Variants in TBC1D22A observed in about 807,000 individuals in gnomAD.
TBC1D22A encodes the protein putative GTPase activator.
In TBC1D22A, 38 loss-of-function variants were observed where a neutral mutation model predicts 60.2. The observed-to-expected ratio is 0.63, with a 90% CI of 0.49 to 0.83. The LOEUF (loss-of-function observed/expected upper bound fraction) is 0.83. TBC1D22A is among the 40% of genes least tolerant of loss of function. The pLI, the probability that TBC1D22A is intolerant of heterozygous loss-of-function variation, is 0.00. For synonymous variants in TBC1D22A, 302 were observed against 281.7 expected (o/e 1.07, Z -0.72); for missense variants, 628 against 701.0 (o/e 0.90, Z 1.18).
At chr22:47,063,561 A>T (rs2063654893) in intron 11 of TBC1D22A, among the ~76,000 whole-genome samples, 2 of 151,926 alleles carry the variant, frequency 1.3e-5, no homozygotes, top group Admixed American at 1.3e-4. Context: ...ATGTTTGGGG[A>T]GCACTGTGTT....
intron 12 of TBC1D22A, among the ~76,000 whole-genome samples, chr22:47,124,935 C>T (rs751415152): frequency 2.6e-5 from 4 of 151,972 alleles, no homozygotes; most frequent in South Asian, 2.1e-4. Flanking sequence ...TTGGGCCAGG[C>T]GGGAGTGGAG....
At chr22:47,137,963 G>C (rs1022087989) in intron 12 of TBC1D22A, among the ~76,000 whole-genome samples, 1 of 152,136 alleles carries the variant, frequency 6.6e-6, no homozygotes, top group South Asian at 2.1e-4. Flanking sequence ...ATCTCCATCC[G>C]TGTGATGTTA....
chr22:47,064,109 C>T (rs66608047), intron 11 of TBC1D22A, among the ~76,000 whole-genome samples: 40,541 of 152,100 alleles, frequency 0.27, 6,035 homozygotes, highest in East Asian at 0.57. Context: ...CCACCAGGAC[C>T]GGGGCTTGAG....
rs115438241 is a variant in TBC1D22A, at chr22:47,054,012, G to A, written c.1329+16814G>A. 2.7e-3 allele frequency among the ~76,000 whole-genome samples: 411 copies of A among 152,266 alleles called. 1 individual carries two copies. Among genetic ancestry groups the A allele is most frequent in the African/African-American group, 9.4e-3 (391 of 41,538 alleles). ...AGAGGCCCTGACTCATCAGTCATCCGGCTTCGAAGGGACAGACTCAGTGTG... is the reference window on the plus strand; with the variant it reads ...AGAGGCCCTGACTCATCAGTCATCCAGCTTCGAAGGGACAGACTCAGTGTG... On this transcript the variant is annotated intron_variant, in intron 11 of 12. Transcript: ENST00000337137.
intron 8 of TBC1D22A, among the ~76,000 whole-genome samples, chr22:46,916,276 C>CA (rs1295716205): frequency 6.6e-6 from 1 of 152,168 alleles, no homozygotes; most frequent in Non-Finnish European, 1.5e-5. Flanking sequence ...ATGTCAGAGT[C>CA]AGAGAAACAG....
intron 8 of TBC1D22A, among the ~76,000 whole-genome samples, chr22:46,966,905 T>TTGG (rs990130700): frequency 2.0e-5 from 3 of 152,346 alleles, no homozygotes; most frequent in African/African-American, 7.2e-5. Context: ...AGCTATGCTG[T>TTGG]TGGTGAGAAG....
chr22:46,979,836 T>G (rs983163952), intron 9 of TBC1D22A, among the ~76,000 whole-genome samples: 3 of 151,962 alleles, frequency 2.0e-5, no homozygotes, highest in Admixed American at 1.3e-4. Context: ...ATGACAGCAG[T>G]TTCAATATAA....
At chr22:46,807,528 G>T (rs902594896) in intron 4 of TBC1D22A, among the ~76,000 whole-genome samples, 6 of 152,170 alleles carry the variant, frequency 3.9e-5, no homozygotes, top group Non-Finnish European at 7.3e-5. Flanking sequence ...CGACACGCTG[G>T]CACTACTTGG....
At chr22:46,943,046 G>A (rs922174754) in intron 8 of TBC1D22A, among the ~76,000 whole-genome samples, 1 of 152,200 alleles carries the variant, frequency 6.6e-6, no homozygotes, top group Middle Eastern at 3.2e-3. Context: ...ACCCGTGGCA[G>A]CAGGAAAATG....
intron 12 of TBC1D22A, among the ~76,000 whole-genome samples, chr22:47,134,353 G>T (rs988711917): frequency 6.6e-6 from 1 of 152,258 alleles, no homozygotes; most frequent in Non-Finnish European, 1.5e-5. Context: ...ACACGCGAAA[G>T]AATCTTGTAT....
intron 11 of TBC1D22A, among the ~76,000 whole-genome samples, chr22:47,078,920 G>T (rs922495919): frequency 6.6e-6 from 1 of 152,104 alleles, no homozygotes; most frequent in Admixed American, 6.5e-5. Flanking sequence ...GACGTGGACC[G>T]ATTCCATCAG....
At chr22:47,013,476 A>G (rs980788611) in intron 10 of TBC1D22A, among the ~76,000 whole-genome samples, 2 of 152,208 alleles carry the variant, frequency 1.3e-5, no homozygotes, top group Non-Finnish European at 2.9e-5. Flanking sequence ...TTTCGAATAT[A>G]GGCCGTCAGA....
In TBC1D22A at chr22:46,782,793, C is replaced by T. The variant is rs543461724; in HGVS notation, c.63-9727C>T. On this transcript the variant is annotated intron_variant, in intron 1 of 12. Coordinates refer to ENST00000337137, the MANE Select transcript of TBC1D22A (RefSeq NM_014346.5). ...GTCAGGATTCACCCATGCTGTGTTG[C>T]GTACCAAGACTTCATTCCCTTTATG... is the stretch of plus-strand genomic sequence containing the variant. 5.9e-5 allele frequency among the ~76,000 whole-genome samples: 9 copies of T among 152,270 alleles called. No homozygotes were observed. In the South Asian group the frequency reaches 1.2e-3, roughly 21 times the overall value.
intron 10 of TBC1D22A, among the ~76,000 whole-genome samples, chr22:47,019,106 T>C (rs2061995560): frequency 6.6e-6 from 1 of 152,228 alleles, no homozygotes; most frequent in Non-Finnish European, 1.5e-5. Context: ...GCCTCCCAGC[T>C]GGCCTGGCGC....
intron 12 of TBC1D22A, among the ~76,000 whole-genome samples, chr22:47,164,112 C>T (rs1415708598): frequency 6.6e-6 from 1 of 152,250 alleles, no homozygotes; most frequent in Admixed American, 6.5e-5. Context: ...CCCGAGGCCT[C>T]CGTGGGCTGC....
At chr22:47,146,260 C>G (rs1272140953) in intron 12 of TBC1D22A, among the ~76,000 whole-genome samples, 1 of 152,198 alleles carries the variant, frequency 6.6e-6, no homozygotes, top group African/African-American at 2.4e-5. Context: ...TGCTGGCTTG[C>G]CTGATAACCT....
Position 46,797,627 on chromosome 22 carries a change from A to G in TBC1D22A, c.637+7A>G. ...GGCCCCAACACGGACCTTGGTAAGCACCCTGCCCTCTGGAGGACACACACA... is the reference window on the plus strand; with the variant it reads ...GGCCCCAACACGGACCTTGGTAAGCGCCCTGCCCTCTGGAGGACACACACA... On this transcript the variant is annotated splice_region_variant and intron_variant, in intron 4 of 12. Coordinates refer to ENST00000337137, the MANE Select transcript of TBC1D22A (RefSeq NM_014346.5). The G allele has an allele frequency of 6.3e-7, 1 of 1,595,420 alleles. No homozygotes were observed.
At chr22:46,998,884 C>T (rs2075212407) in intron 10 of TBC1D22A, among the ~76,000 whole-genome samples, 2 of 152,214 alleles carry the variant, frequency 1.3e-5, no homozygotes, top group Non-Finnish European at 2.9e-5. Flanking sequence ...GTGCGCTCAC[C>T]GCACGCTCCA....
chr22:46,976,155 G>T (rs2074285325), intron 9 of TBC1D22A, among the ~76,000 whole-genome samples: 1 of 152,196 alleles, frequency 6.6e-6, no homozygotes, highest in Admixed American at 6.5e-5. Context: ...TTAAATACAA[G>T]ATTATCTGCC....
Sources: allele counts gnomAD v4.1 joint callset (sites outside exome capture counted in the v4.1 genomes callset), GRCh38; gene constraint gnomAD v4.1.1; transcripts MANE v1.5; gene names NCBI Gene and HGNC (gene_info 2026-07-23, HGNC 2026-07-21).